The following HNF4A variants were observed in gnomAD, a reference collection of about 807,000 sequenced individuals.
The protein encoded by HNF4A is hepatocyte nuclear factor 4 alpha, also known as hepatocyte nuclear factor 4-alpha.
A neutral mutation model predicts 52.4 loss-of-function variants in HNF4A; 15 were observed. The observed-to-expected ratio is 0.29, with a 90% CI of 0.19 to 0.44. The LOEUF (loss-of-function observed/expected upper bound fraction) is 0.44. Among genes scored for constraint, HNF4A ranks in the 20% least tolerant of loss-of-function variants. The pLI is 1.00. For synonymous variants in HNF4A, 280 were observed against 264.4 expected, an observed-to-expected ratio of 1.06 and a Z score of -0.57; for missense variants, 479 against 647.2, an observed-to-expected ratio of 0.74 and a Z score of 2.82.
At chr20:44,403,196 CCA>C (rs1333499287) in intron 1 of HNF4A, among the ~76,000 whole-genome samples, 2 of 152,200 alleles carry the variant, frequency 1.3e-5, no homozygotes, top group Non-Finnish European at 2.9e-5. Flanking sequence ...GAGGCAGAGG[CCA>C]AGCCCCTGAA....
At chr20:44,401,854 C>T (rs537764431) in intron 1 of HNF4A, among the ~76,000 whole-genome samples, 2 of 152,228 alleles carry the variant, frequency 1.3e-5, no homozygotes, top group South Asian at 4.1e-4. Flanking sequence ...ACGGCCCCTT[C>T]GTGAACCCCT....
chr20:44,389,995 G>A (rs939312084), intron 1 of HNF4A: 1 of 152,338 alleles, frequency 6.6e-6, no homozygotes, highest in Admixed American at 6.5e-5. Flanking sequence ...ACATTCACTG[G>A]ATGTTACTAC....
At chr20:44,364,627 G>A (rs1477640447) in intron 1 of HNF4A, among the ~76,000 whole-genome samples, 2 of 151,888 alleles carry the variant, frequency 1.3e-5, no homozygotes, top group South Asian at 2.1e-4. Context: ...CCACCACCGC[G>A]GCCAGCTACT....
chr20:44,418,109 GAAA>G (rs886279873), intron 5 of HNF4A, among the ~76,000 whole-genome samples: 3 of 150,938 alleles, frequency 2.0e-5, no homozygotes, highest in Admixed American at 1.3e-4. Context: ...TCTCAAAAAA[GAAA>G]AAAAAAGCAC....
In HNF4A at chr20:44,424,148, G is replaced by A. The variant is rs1361096920; in HGVS notation, c.1023G>A (p.Leu341=). 1.2e-6 allele frequency: 2 copies of A among 1,613,654 alleles called. No individual in the cohort carries two copies. The stretch of plus-strand genomic sequence containing the variant: ...GCTTTGGAGAGCTGCTGCTGCTGCT[G>A]CCCACCTTGCAGAGCATCACCTGGC... The change falls in exon 8 of 10, where the codon CTG becomes CTA. Residue 341 remains leucine, a synonymous_variant. Coordinates refer to ENST00000316099, the MANE Select transcript of HNF4A (RefSeq NM_000457.6).
chr20:44,359,408 A>G (rs2062893833), intron 1 of HNF4A, among the ~76,000 whole-genome samples: 1 of 152,170 alleles, frequency 6.6e-6, no homozygotes, highest in Non-Finnish European at 1.5e-5. Flanking sequence ...CTTTTATCCA[A>G]AAGCAAAACT....
At position 44,401,390 on chromosome 20, in the gene HNF4A, C is replaced by T; in HGVS notation, c.18C>T (p.Thr6=). Residue 6 remains threonine, a synonymous_variant, in exon 1 of 10, where the codon ACC becomes ACT. Transcript: ENST00000316099. ...CAGGGAGAATGCGACTCTCCAAAAC[C>T]CTCGTCGACATGGACATGGCCGACT... is the stretch of plus-strand genomic sequence containing the variant. 1 of 1,614,174 alleles carries T rather than the reference C, an allele frequency of 6.2e-7. No homozygotes were observed. The highest frequency in any genetic ancestry group is 8.5e-7 in the Non-Finnish European group (1 of 1,180,026).
intron 1 of HNF4A, among the ~76,000 whole-genome samples, chr20:44,364,035 C>T (rs980983234): frequency 2.0e-5 from 3 of 152,114 alleles, no homozygotes; most frequent in Non-Finnish European, 2.9e-5. Flanking sequence ...CCATCTGGCT[C>T]AGCCATTGTC....
intron 3 of HNF4A, among the ~76,000 whole-genome samples, chr20:44,412,801 T>C (rs114391644): frequency 0.056 from 8,523 of 152,000 alleles, 797 homozygotes; most frequent in African/African-American, 0.19. Flanking sequence ...TTGATGCCAG[T>C]CCCTGAGACG....
At chr20:44,389,796 A>G (rs1025371456) in intron 1 of HNF4A, 7 of 152,418 alleles carry the variant, frequency 4.6e-5, no homozygotes, top group African/African-American at 1.7e-4. Context: ...ATGGGGGGAC[A>G]GAGGAGGACC....
chr20:44,386,875 T>C (rs2063230991), intron 1 of HNF4A, among the ~76,000 whole-genome samples: 2 of 152,262 alleles, frequency 1.3e-5, no homozygotes, highest in South Asian at 2.1e-4. Flanking sequence ...TTCCAAAATT[T>C]CTACTATATG....
chr20:44,355,757 G>T (rs1223398789), exon 1 of HNF4A: 9 of 1,587,702 alleles, frequency 5.7e-6, no homozygotes, highest in Non-Finnish European at 6.9e-6. Flanking sequence ...CTGTGAGCGG[G>T]CCCCTGCTCC....
At chr20:44,363,240 C>T (rs533830888) in intron 1 of HNF4A, among the ~76,000 whole-genome samples, 2 of 152,156 alleles carry the variant, frequency 1.3e-5, no homozygotes, top group South Asian at 4.2e-4. Context: ...TGTTGTGAGA[C>T]ATAAAGTCAA....
rs1049090047 is a variant in HNF4A, at chr20:44,413,729, A to G, written c.421A>G (p.Arg141Gly). 4 of 1,613,744 alleles carry G rather than the reference A, an allele frequency of 2.5e-6. No individual in the cohort carries two copies. Among genetic ancestry groups the G allele is most frequent in the Non-Finnish European group, 3.4e-6 (4 of 1,179,952 alleles). ...TGAGCGGGACCGGATCAGCACTCGA[A>G]GGTCAAGCTATGAGGACAGCAGCCT... is the stretch of plus-strand genomic sequence containing the variant. Residue 141 changes from arginine to glycine, a missense_variant, in exon 4 of 10, where the codon AGG becomes GGG. Arg to Gly is a moderately radical substitution (Grantham distance 125). Around this residue, in one of 3 missense-constraint regions of HNF4A, gnomAD observed 389 missense variants for 525.1 expected, o/e 0.74. Coordinates refer to ENST00000316099, the MANE Select transcript of HNF4A (RefSeq NM_000457.6).
At chr20:44,382,224 GCTTT>G (rs1208319487) in intron 1 of HNF4A, among the ~76,000 whole-genome samples, 16 of 148,194 alleles carry the variant, frequency 1.1e-4, no homozygotes, top group South Asian at 2.2e-4. Flanking sequence ...AAGGGGCATA[GCTTT>G]CTTTCTTTCT....
intron 1 of HNF4A, among the ~76,000 whole-genome samples, chr20:44,385,119 G>A (rs887381360): frequency 1.4e-4 from 17 of 117,748 alleles, no homozygotes; most frequent in African/African-American, 5.1e-4. Context: ...GAGGCAATTT[G>A]GGCTTTGGCT....
intron 2 of HNF4A, among the ~76,000 whole-genome samples, chr20:44,407,095 CA>C (rs1235043648): frequency 6.6e-6 from 1 of 152,198 alleles, no homozygotes; most frequent in East Asian, 1.9e-4. Context: ...TCTGGTACTC[CA>C]GAGGTCAAGG....
chr20:44,406,328 AGCTGCCCTTCAGG>A (rs1244647686), intron 2 of HNF4A, 96 bp downstream of exon 2: 32 of 1,128,168 alleles, frequency 2.8e-5, no homozygotes, highest in Non-Finnish European at 3.4e-5. Context: ...TCCCAGAGAC[AGCTGCCCTTCAGG>A]GCCTTCAAGG....
chr20:44,374,784 A>T (rs2063068227), intron 1 of HNF4A, among the ~76,000 whole-genome samples: 1 of 152,202 alleles, frequency 6.6e-6, no homozygotes, highest in African/African-American at 2.4e-5. Flanking sequence ...TATTGTGAAT[A>T]GTGCTGTGTA....
Sources: allele counts gnomAD v4.1 joint callset (sites outside exome capture counted in the v4.1 genomes callset), GRCh38; gene constraint gnomAD v4.1.1; regional missense constraint gnomAD v4.1.1; transcripts MANE v1.5; gene names NCBI Gene and HGNC (gene_info 2026-07-23, HGNC 2026-07-21).